The following GCH1 variants were observed in gnomAD, a reference collection of about 807,000 sequenced individuals.
The protein encoded by GCH1 is GTP cyclohydrolase I.
In GCH1, 5 loss-of-function variants were observed where a neutral mutation model predicts 25.9. The ratio of observed to expected loss-of-function variants is 0.19; its 90% CI spans 0.10 to 0.41. The LOEUF (loss-of-function observed/expected upper bound fraction) is 0.41, where lower values mean the gene tolerates loss of function less well. Among genes scored for constraint, GCH1 ranks in the 10% least tolerant of loss-of-function variants. GCH1 has a pLI of 1.00. For missense variants in GCH1, 261 were observed against 336.5 expected (o/e 0.78, Z 1.75); for synonymous variants, 159 against 129.6 (o/e 1.23, Z -1.54).
At chr14:54,879,895 G>T (rs1406165498) in intron 1 of GCH1, among the ~76,000 whole-genome samples, 1 of 144,074 alleles carries the variant, frequency 6.9e-6, no homozygotes, top group Non-Finnish European at 1.5e-5. Flanking sequence ...TGAGGCAGGA[G>T]AATCGTTTGA....
In GCH1 at chr14:54,861,507, G is replaced by A. The variant is rs141867578; in HGVS notation, c.454-1771C>T. Among the ~76,000 whole-genome samples, 123 of 151,840 alleles carry A rather than the reference G, an allele frequency of 8.1e-4. 1 individual carries two copies. Among genetic ancestry groups the A allele is most frequent in the African/African-American group, 2.4e-3 (100 of 41,436 alleles). ...TTCCAACATTTTGGGTGGATTGCCT[G>A]AGGTCAGGAGTTCAAGACCAGCCTG... On this transcript the variant is annotated intron_variant, in intron 2 of 5. Coordinates refer to ENST00000491895, the MANE Select transcript of GCH1 (RefSeq NM_000161.3).
chr14:54,885,555 A>G (rs758419207), intron 1 of GCH1: 10 of 379,910 alleles, frequency 2.6e-5, no homozygotes, highest in Non-Finnish European at 5.1e-5. Flanking sequence ...GCCCCCAGCA[A>G]GGTGAGGGAT....
At chr14:54,849,412 T>A (rs1015639793) in intron 3 of GCH1, among the ~76,000 whole-genome samples, 3 of 152,228 alleles carry the variant, frequency 2.0e-5, no homozygotes, top group African/African-American at 7.2e-5. Context: ...GGGAACCGAA[T>A]TCTAGTTTGA....
Position 54,876,661 on chromosome 14 carries a change from C to T in GCH1, c.344-11225G>A, listed in dbSNP as rs186160820. Among the ~76,000 whole-genome samples, 93 of 152,050 alleles carry T rather than the reference C, an allele frequency of 6.1e-4. No individual in the cohort carries two copies. The East Asian group carries it at 0.017, about 27-fold the overall frequency. The stretch of plus-strand genomic sequence containing the variant: ...CCTGGGTGACAGAACAAGTCCCTGT[C>T]TCTAAAAATCATAATAATAATAATA... On this transcript the variant is annotated intron_variant, in intron 1 of 5. Transcript: ENST00000491895.
At chr14:54,853,405 G>A (rs937456081) in intron 3 of GCH1, among the ~76,000 whole-genome samples, 5 of 152,170 alleles carry the variant, frequency 3.3e-5, no homozygotes, top group African/African-American at 1.2e-4. Context: ...AATGCTAATA[G>A]GTAAGTATCG....
chr14:54,876,144 A>G (rs1402069669), intron 1 of GCH1, among the ~76,000 whole-genome samples: 6 of 152,238 alleles, frequency 3.9e-5, no homozygotes, highest in Non-Finnish European at 8.8e-5. Context: ...TGGCACATAT[A>G]CACCACAGAA....
chr14:54,844,379 G>C (rs1204369079), intron 5 of GCH1, among the ~76,000 whole-genome samples: 2 of 152,156 alleles, frequency 1.3e-5, no homozygotes, highest in South Asian at 2.1e-4. Flanking sequence ...TGTTCTTGAA[G>C]TTGTCTTGCA....
intron 5 of GCH1, 101 bp from the exon 6 acceptor site, chr14:54,844,244 A>G (rs1197712185): frequency 8.6e-6 from 7 of 817,670 alleles, no homozygotes; most frequent in Admixed American, 5.1e-5. Flanking sequence ...ACAGTTACCA[A>G]GTATATCGAA....
intron 1 of GCH1, among the ~76,000 whole-genome samples, chr14:54,876,341 G>T (rs915253396): frequency 2.0e-5 from 3 of 152,102 alleles, no homozygotes; most frequent in African/African-American, 7.2e-5. Flanking sequence ...GGGGCCTGTT[G>T]TGGGGTGCGG....
intron 1 of GCH1, among the ~76,000 whole-genome samples, chr14:54,880,275 T>TA (rs1234177575): frequency 6.7e-6 from 1 of 149,060 alleles, no homozygotes; most frequent in Non-Finnish European, 1.5e-5. Context: ...AGCAAAATAC[T>TA]AAGATTTGTC....
chr14:54,892,039 C>T (rs1279838054), intron 1 of GCH1, among the ~76,000 whole-genome samples: 2 of 152,122 alleles, frequency 1.3e-5, no homozygotes, highest in East Asian at 3.9e-4. Flanking sequence ...AATCATTACG[C>T]TGAGGTTGCT....
intron 1 of GCH1, among the ~76,000 whole-genome samples, chr14:54,869,056 T>G (rs554513077): frequency 4.6e-5 from 7 of 151,998 alleles, no homozygotes; most frequent in South Asian, 2.1e-4. Context: ...ATTTCTTTTT[T>G]GAGATGAAGT....
At chr14:54,889,198 G>T (rs2040394096) in intron 1 of GCH1, among the ~76,000 whole-genome samples, 1 of 152,200 alleles carries the variant, frequency 6.6e-6, no homozygotes, top group Admixed American at 6.5e-5. Context: ...AAATGGTGGG[G>T]TCAATTAGAG....
In GCH1 at chr14:54,902,784, A is replaced by AGTC. The variant is rs1566687793; in HGVS notation, c.-122_-121insGAC. 8 of 1,294,074 alleles carry AGTC rather than the reference A, an allele frequency of 6.2e-6. No individual in the cohort carries two copies. In the South Asian group the frequency reaches 1.6e-4, roughly 26 times the overall value. The allele number at this position is 1,294,074 out of a possible 1,614,324, so 80.2% of individuals were successfully genotyped here. A position where few individuals can be genotyped will look rare whatever the true frequency, so the allele number is the denominator to read the frequency against. ...CCGGAGTCACCTGAGGAAGGTACGC[A>AGTC]ACCTGCTTAGATCACACTCCGAGCC... On this transcript the variant is annotated 5_prime_UTR_variant, in exon 1 of 6. Coordinates refer to ENST00000491895, the MANE Select transcript of GCH1 (RefSeq NM_000161.3).
intron 1 of GCH1, among the ~76,000 whole-genome samples, chr14:54,867,140 C>CA (rs1013188535): frequency 3.3e-5 from 5 of 151,884 alleles, no homozygotes; most frequent in African/African-American, 7.3e-5. Flanking sequence ...AAAAACAAAC[C>CA]AAAAAAATGT....
At position 54,843,400 on chromosome 14, in the gene GCH1, T is replaced by C. The variant is rs886050546; in HGVS notation, c.*617A>G. ...TCCCTATTCTTGAATTTAAAAACAATAGAAGGTAGAAATGTGCCTTTTTAA... is the reference window on the plus strand; with the variant it reads ...TCCCTATTCTTGAATTTAAAAACAACAGAAGGTAGAAATGTGCCTTTTTAA... On this transcript the variant is annotated 3_prime_UTR_variant, in exon 6 of 6. Coordinates refer to ENST00000491895, the MANE Select transcript of GCH1 (RefSeq NM_000161.3). The C allele has an allele frequency of 1.6e-6, 2 of 1,234,738 alleles. No homozygotes were observed. Among genetic ancestry groups the C allele is most frequent in the African/African-American group, 1.6e-5 (1 of 64,506 alleles). The allele number at this position is 1,234,738 out of a possible 1,614,324, so 76.5% of individuals were successfully genotyped here. A position where few individuals can be genotyped will look rare whatever the true frequency, so the allele number is the denominator to read the frequency against.
intron 1 of GCH1, among the ~76,000 whole-genome samples, chr14:54,874,599 G>A (rs1201185778): frequency 6.6e-6 from 1 of 152,198 alleles, no homozygotes; most frequent in Non-Finnish European, 1.5e-5. Context: ...AAACCCCATT[G>A]TCTCAGCTCA....
At chr14:54,860,745 T>G (rs1024458050) in intron 2 of GCH1, among the ~76,000 whole-genome samples, 1 of 152,128 alleles carries the variant, frequency 6.6e-6, no homozygotes, top group African/African-American at 2.4e-5. Context: ...TTCACCGTGT[T>G]AGCCAGGATG....
intron 2 of GCH1, among the ~76,000 whole-genome samples, chr14:54,863,227 G>A (rs1423340420): frequency 6.6e-6 from 1 of 151,790 alleles, no homozygotes; most frequent in Non-Finnish European, 1.5e-5. Context: ...AGACCATCCT[G>A]GCTAACACCG....
Sources: allele counts gnomAD v4.1 joint callset (sites outside exome capture counted in the v4.1 genomes callset), GRCh38; gene constraint gnomAD v4.1.1; transcripts MANE v1.5; gene names NCBI Gene and HGNC (gene_info 2026-07-23, HGNC 2026-07-21).